NUP88: variants seen among roughly 807,000 people sequenced by gnomAD.
NUP88 encodes the protein nucleoporin 88.
A neutral mutation model predicts 93.9 loss-of-function variants in NUP88; 57 were observed. The ratio of observed to expected loss-of-function variants is 0.61; its 90% confidence interval spans 0.49 to 0.76. NUP88 has a LOEUF of 0.76. NUP88 is among the 30% of genes least tolerant of loss of function. NUP88 has a pLI of 0.00. For synonymous variants in NUP88, 346 were observed against 336.8 expected (o/e 1.03, Z -0.30); for missense variants, 911 against 901.0 (o/e 1.01, Z -0.14).
At chr17:5,395,453 GCTCACT>G (rs1204428876) in intron 8 of NUP88, among the ~76,000 whole-genome samples, 5 of 152,052 alleles carry the variant, frequency 3.3e-5, no homozygotes, top group Non-Finnish European at 7.4e-5. Flanking sequence ...AACTTTTGTA[GCTCACT>G]CAGGTTCAAG....
In NUP88 at chr17:5,386,112, C is replaced by G. The variant is rs774566614; in HGVS notation, c.*94G>C. ...AACCACACCAAAGGTCATCAAAACA[C>G]CTTTTTATAAATTAGATAATTCTAC... is the stretch of plus-strand genomic sequence containing the variant. On this transcript the variant is annotated 3_prime_UTR_variant, in exon 17 of 17. Transcript: ENST00000573584. The G allele has an allele frequency of 1.2e-5, 11 of 913,046 alleles. No individual in the cohort carries two copies. Among genetic ancestry groups the G allele is most frequent in the Non-Finnish European group, 1.7e-5 (10 of 595,522 alleles). The allele number at this position is 913,046 out of a possible 1,614,324, so 56.6% of individuals were successfully genotyped here.
intron 7 of NUP88, 107 bp downstream of exon 7, chr17:5,403,992 T>G (rs1391188994): frequency 8.2e-7 from 1 of 1,226,762 alleles, no homozygotes; most frequent in Non-Finnish European, 1.1e-6. Context: ...CCAGTCAACT[T>G]TTTAAAGGCT....
chr17:5,388,848 TA>T lies in NUP88; in HGVS notation c.1596del (p.His532GlnfsTer16). The T allele has an allele frequency of 6.2e-7, 1 of 1,614,132 alleles. No individual in the cohort carries two copies. The highest frequency in any genetic ancestry group is 8.5e-7 in the Non-Finnish European group (1 of 1,179,994). ...ACACTACGTTGCAAAATGCTTCTAA[TA>T]TGCTTTTCAAAGGAATCTGGGGTTT... ...LAETPDSFEK[H>X]IRSILQRSVA... On this transcript the variant is annotated frameshift_variant, in exon 11 of 17. Coordinates refer to ENST00000573584, the MANE Select transcript of NUP88 (RefSeq NM_002532.6). LOFTEE classifies it high-confidence loss of function.
chr17:5,400,507 A>C (rs1020611169), intron 7 of NUP88, among the ~76,000 whole-genome samples: 2 of 151,976 alleles, frequency 1.3e-5, no homozygotes, highest in Admixed American at 1.3e-4. Context: ...AAAAAAAAAA[A>C]AAAAAAAAAA....
At position 5,386,770 on chromosome 17, in the gene NUP88, TG is replaced by T. The variant is rs1567562837; in HGVS notation, c.2099del (p.Pro700GlnfsTer19). On this transcript the variant is annotated frameshift_variant, in exon 16 of 17. Coordinates refer to ENST00000573584, the MANE Select transcript of NUP88 (RefSeq NM_002532.6). LOFTEE classifies it high-confidence loss of function. ...AGGCACTGAGAATAATGGTGGGTTT[TG>T]GAAGACTCAACACCTTCTCCATCTT... is the stretch of plus-strand genomic sequence containing the variant. The part of the protein sequence containing the change: ...QQKMEKVLSL[P>X]KPTIILSAYQ... 6.2e-7 allele frequency: 1 copy of T among 1,614,148 alleles called. No homozygotes were observed. The highest frequency in any genetic ancestry group is 1.7e-5 in the Admixed American group (1 of 60,020).
At chr17:5,412,971 A>C (rs772549652) in intron 3 of NUP88, among the ~76,000 whole-genome samples, 2 of 152,208 alleles carry the variant, frequency 1.3e-5, no homozygotes, top group African/African-American at 2.4e-5. Flanking sequence ...CACAAAACAC[A>C]GGTCTGACCT....
rs373699333 is a variant in NUP88 at position 5,419,655 on chromosome 17, G to T, written c.-5C>A. Reference sequence around the variant, plus strand: ...CGGTCCCTCGGCGGCCGCCATCTTGGCCCAACTGCTCCCCTCACTCCAGTT... The same window carrying T: ...CGGTCCCTCGGCGGCCGCCATCTTGTCCCAACTGCTCCCCTCACTCCAGTT... On this transcript the variant is annotated 5_prime_UTR_variant, in exon 1 of 17. Transcript: ENST00000573584. The T allele has an allele frequency of 3.0e-5, 47 of 1,581,614 alleles. No homozygotes were observed. In the African/African-American group the frequency reaches 4.2e-4, roughly 14 times the overall value.
In NUP88 at chr17:5,416,755, A is replaced by G. The variant is rs1407571255; in HGVS notation, c.298-73T>C. On this transcript the variant is annotated intron_variant, in intron 1 of 16. Transcript: ENST00000573584. ...ATAGGTGGCAGTTACTTGAAATCACAGTAATACTTAGTTTACTACAATTAT... is the reference window on the plus strand; with the variant it reads ...ATAGGTGGCAGTTACTTGAAATCACGGTAATACTTAGTTTACTACAATTAT... 34 of 1,164,934 alleles carry G rather than the reference A, an allele frequency of 2.9e-5. No individual in the cohort carries two copies. In the South Asian group the frequency reaches 4.3e-4, roughly 15 times the overall value. The allele number at this position is 1,164,934 out of a possible 1,614,324, so 72.2% of individuals were successfully genotyped here.
intron 14 of NUP88, 72 bp downstream of exon 14, chr17:5,387,314 G>A: frequency 7.3e-7 from 1 of 1,376,570 alleles, no homozygotes; most frequent in Non-Finnish European, 1.0e-6. Context: ...GTAAGCACCT[G>A]CCAATGCCCA....
intron 9 of NUP88, among the ~76,000 whole-genome samples, chr17:5,392,706 C>T (rs1912517153): frequency 6.6e-6 from 1 of 152,164 alleles, no homozygotes; most frequent in Non-Finnish European, 1.5e-5. Context: ...CATGTCTTTG[C>T]TTTGCTTTAT....
At chr17:5,392,213 A>G (rs527360528) in intron 9 of NUP88, among the ~76,000 whole-genome samples, 21 of 152,288 alleles carry the variant, frequency 1.4e-4, no homozygotes, top group Admixed American at 1.1e-3. Flanking sequence ...CTGCATGCCT[A>G]CAACACACAT....
intron 5 of NUP88, among the ~76,000 whole-genome samples, chr17:5,408,350 G>C (rs1913615604): frequency 6.6e-6 from 1 of 152,102 alleles, no homozygotes; most frequent in African/African-American, 2.4e-5. Flanking sequence ...CCAATACTGT[G>C]GTATGGATAG....
rs1453242588 is a variant in NUP88 at position 5,419,624 on chromosome 17, G to A, written c.27C>T (p.Gly9=). 6.9e-6 allele frequency: 11 copies of A among 1,594,446 alleles called. No individual in the cohort carries two copies. The highest frequency in any genetic ancestry group is 1.3e-5 in the African/African-American group (1 of 74,626). The change falls in exon 1 of 17, where the codon GGC becomes GGT. Residue 9 remains glycine (G), a synonymous_variant. Coordinates refer to ENST00000573584, the MANE Select transcript of NUP88 (RefSeq NM_002532.6). ...GCCAGGTCTGCCACAGCTCGCCGTC[G>A]CCCACCGGTCCCTCGGCGGCCGCCA... MAAAEGPV[G]DGELWQTWLP... is the part of the protein sequence containing the mutation.
Position 5,414,042 on chromosome 17 carries a change from T to G in NUP88, c.560A>C (p.His187Pro), listed in dbSNP as rs138520496. 5.6e-6 allele frequency: 9 copies of G among 1,613,820 alleles called. No individual in the cohort carries two copies. In the African/African-American group the frequency reaches 1.2e-4, roughly 22 times the overall value. The part of the protein sequence containing the change: ...AWYPSEILDP[H>P]VVLLTSDNVI... ...GTTGTCTGATGTTAACAGCACTACGTGGGGATCCAGGATTTCACTTGGATA... is the reference window on the plus strand; with the variant it reads ...GTTGTCTGATGTTAACAGCACTACGGGGGGATCCAGGATTTCACTTGGATA... Residue 187 changes from histidine (H) to proline (P), a missense_variant, in exon 3 of 17, where the codon CAC (histidine) becomes CCC (proline). Physicochemically the swap from His to Pro is moderately conservative, Grantham distance 77. Coordinates refer to ENST00000573584, the MANE Select transcript of NUP88 (RefSeq NM_002532.6).
chr17:5,398,081 A>ATT (rs935524431), intron 8 of NUP88, among the ~76,000 whole-genome samples: 8 of 141,260 alleles, frequency 5.7e-5, no homozygotes, highest in South Asian at 2.3e-4. Flanking sequence ...TAATTTTTGT[A>ATT]TTTTTTTTTT....
At chr17:5,415,851 T>C in intron 2 of NUP88, among the ~76,000 whole-genome samples, 1 of 151,926 alleles carries the variant, frequency 6.6e-6, no homozygotes, top group East Asian at 1.9e-4. Context: ...AAAAAGAAAT[T>C]ATATAAAAAT....
chr17:5,419,617 C>A lies in NUP88; in HGVS notation c.34G>T (p.Glu12Ter), dbSNP rs762522359. 1 of 1,596,780 alleles carries A rather than the reference C, an allele frequency of 6.3e-7. No individual in the cohort carries two copies. The highest frequency in any genetic ancestry group is 2.2e-5 in the East Asian group (1 of 44,510). Residue 12 changes from glutamate (E) to a stop codon, truncating the protein, a stop_gained, in exon 1 of 17, where the codon GAG becomes TAG. Transcript: ENST00000573584. LOFTEE classifies it high-confidence loss of function. ...TTAGGAAGCCAGGTCTGCCACAGCT[C>A]GCCGTCGCCCACCGGTCCCTCGGCG... ...AAAEGPVGDGELWQTWLPNHV... is the reference protein window; with the variant it reads ...AAAEGPVGDG
At position 5,419,516 on chromosome 17, in the gene NUP88, C is replaced by G. The variant is rs1011418018; in HGVS notation, c.135G>C (p.Ser45=). The G allele has an allele frequency of 1.4e-5, 23 of 1,613,846 alleles. No individual in the cohort carries two copies. Among genetic ancestry groups the G allele is most frequent in the Non-Finnish European group, 1.9e-5 (22 of 1,179,916 alleles). ...GCGGCGGCGGCGACGAAGGCAACGA[C>G]GAAGAAGCTGGTTTCTCAGCTTCGG... is the stretch of plus-strand genomic sequence containing the variant. ...SPTEAEKPAS[S]SLPSSPPPQL... is the part of the protein sequence containing the mutation. Residue 45 remains serine (S), a synonymous_variant, in exon 1 of 17, where the codon TCG becomes TCC. Transcript: ENST00000573584.
At chr17:5,413,959 AAC>A (rs1913986890) in intron 3 of NUP88, 48 bp downstream of exon 3, 1 of 1,599,678 alleles carries the variant, frequency 6.3e-7, no homozygotes, top group East Asian at 2.3e-5. Context: ...GGCAAACAGA[AAC>A]AGAGCTTTCC....
Sources: gnomAD v4.1 joint callset for allele counts (sites outside exome capture counted in the v4.1 genomes callset) on GRCh38, gnomAD v4.1.1 for gene constraint, MANE v1.5 for transcripts, NCBI Gene and HGNC (gene_info 2026-07-23, HGNC 2026-07-21) for gene names.